Variants in PXDNL observed in about 807,000 individuals in gnomAD.
PXDNL encodes peroxidasin like.
In PXDNL, 145 loss-of-function variants were observed where a neutral mutation model predicts 150.8. The ratio of observed to expected loss-of-function variants is 0.96; its 90% CI spans 0.84 to 1.10. The LOEUF (loss-of-function observed/expected upper bound fraction) is 1.10, where lower values mean the gene tolerates loss of function less well. PXDNL is among the 50% of genes least tolerant of loss of function. The pLI is 0.00. For missense variants in PXDNL, 2,087 were observed against 1,873.9 expected, an observed-to-expected ratio of 1.11 and a Z score of -2.10; for synonymous variants, 757 against 725.7, an observed-to-expected ratio of 1.04 and a Z score of -0.69.
chr8:51,404,600 T>C (rs889557469), intron 17 of PXDNL, among the ~76,000 whole-genome samples: 10 of 152,074 alleles, frequency 6.6e-5, no homozygotes, highest in Non-Finnish European at 1.0e-4. Context: ...AGAGTGCTAA[T>C]TGGTGCATTC....
chr8:51,485,801 G>A (rs1810719022), intron 5 of PXDNL, among the ~76,000 whole-genome samples: 1 of 152,164 alleles, frequency 6.6e-6, no homozygotes, highest in Admixed American at 6.5e-5. Flanking sequence ...TTCTTGCCAT[G>A]CTTTAACAAG....
intron 1 of PXDNL, among the ~76,000 whole-genome samples, chr8:51,795,412 C>T (rs968907643): frequency 2.6e-5 from 4 of 152,316 alleles, no homozygotes; most frequent in Middle Eastern, 3.4e-3. Flanking sequence ...CGCTCCACAG[C>T]AAATGCAAAA....
intron 19 of PXDNL, among the ~76,000 whole-genome samples, chr8:51,360,824 C>G (rs1025550248): frequency 6.6e-6 from 1 of 152,244 alleles, no homozygotes; most frequent in Non-Finnish European, 1.5e-5. Flanking sequence ...TTCTGTACCT[C>G]ACTTCTGTTT....
At chr8:51,494,717 C>T (rs1263672813) in intron 5 of PXDNL, among the ~76,000 whole-genome samples, 2 of 152,200 alleles carry the variant, frequency 1.3e-5, no homozygotes, top group Admixed American at 1.3e-4. Flanking sequence ...ATCAATTCAA[C>T]AAGAAGAGCT....
At chr8:51,782,050 G>A (rs535329280) in intron 1 of PXDNL, among the ~76,000 whole-genome samples, 1 of 151,938 alleles carries the variant, frequency 6.6e-6, no homozygotes, top group African/African-American at 2.4e-5. Context: ...ACAAAACACA[G>A]TAGGGTGGCT....
intron 19 of PXDNL, among the ~76,000 whole-genome samples, chr8:51,365,781 C>T (rs1433702492): frequency 6.6e-6 from 1 of 152,150 alleles, no homozygotes; most frequent in Non-Finnish European, 1.5e-5. Flanking sequence ...ACATGCTCAC[C>T]TAAGTGAGAA....
At chr8:51,808,933 T>C (rs1420606837) in intron 1 of PXDNL, among the ~76,000 whole-genome samples, 1 of 152,194 alleles carries the variant, frequency 6.6e-6, no homozygotes, top group African/African-American at 2.4e-5. Flanking sequence ...GAATTCTCAA[T>C]GCTAAGTTCT....
intron 10 of PXDNL, among the ~76,000 whole-genome samples, chr8:51,450,841 C>G (rs572047938): frequency 6.6e-6 from 1 of 152,070 alleles, no homozygotes; most frequent in Admixed American, 6.5e-5. Context: ...GAATTTCTCT[C>G]GGTCAGAACT....
intron 3 of PXDNL, among the ~76,000 whole-genome samples, chr8:51,565,665 T>C (rs1812812453): frequency 6.6e-6 from 1 of 152,030 alleles, no homozygotes; most frequent in East Asian, 1.9e-4. Context: ...GATGGTTCAA[T>C]GTACACATAA....
At chr8:51,525,890 GT>G (rs1216632714) in intron 4 of PXDNL, among the ~76,000 whole-genome samples, 2 of 152,180 alleles carry the variant, frequency 1.3e-5, no homozygotes, top group Non-Finnish European at 2.9e-5. Flanking sequence ...ACAAACACTG[GT>G]TGAACGGAGT....
At position 51,605,511 on chromosome 8, in the gene PXDNL, TA is replaced by T. The variant is rs916968653; in HGVS notation, c.237-12814del. Among the ~76,000 whole-genome samples the T allele has an allele frequency of 3.6e-4, 54 of 152,088 alleles. 1 individual carries two copies. Among genetic ancestry groups the T allele is most frequent in the African/African-American group, 1.2e-3 (50 of 41,544 alleles). On this transcript the variant is annotated intron_variant, in intron 2 of 22. Transcript: ENST00000356297. ...AATTATTAATATAAATATTCATTAT[TA>T]AAAAGAAAATCACAAGGCTATGTTT...
intron 3 of PXDNL, among the ~76,000 whole-genome samples, chr8:51,579,996 A>T (rs1325639175): frequency 6.6e-6 from 1 of 150,952 alleles, no homozygotes; most frequent in Non-Finnish European, 1.5e-5. Context: ...ACTAAAACTT[A>T]AAGTATAATA....
rs1459383360 is a variant in PXDNL at position 51,809,280 on chromosome 8, A to T, written c.65T>A (p.Leu22Ter). Residue 22 changes from leucine to a stop codon, truncating the protein, a stop_gained, in exon 1 of 23, where the codon TTG becomes TAG. Transcript: ENST00000356297. LOFTEE classifies it high-confidence loss of function. ...FLLAGWCLPG[L>*]PCPSRCLCFK... Reference sequence around the variant, plus strand: ...GCAAAGGCACCGGCTGGGGCAGGGCAACCCTGGCAGGCACCACCCGGCCAG... The same window carrying T: ...GCAAAGGCACCGGCTGGGGCAGGGCTACCCTGGCAGGCACCACCCGGCCAG... The T allele has an allele frequency of 6.3e-7, 1 of 1,596,810 alleles. No individual in the cohort carries two copies. Among genetic ancestry groups the T allele is most frequent in the South Asian group, 1.1e-5 (1 of 88,498 alleles).
chr8:51,515,793 G>A (rs866577067), intron 4 of PXDNL, among the ~76,000 whole-genome samples: 1 of 152,160 alleles, frequency 6.6e-6, no homozygotes, highest in Non-Finnish European at 1.5e-5. Flanking sequence ...CTCATATATA[G>A]ACATACAAAG....
intron 12 of PXDNL, among the ~76,000 whole-genome samples, chr8:51,445,432 A>G (rs1259797969): frequency 1.3e-5 from 2 of 152,172 alleles, no homozygotes; most frequent in African/African-American, 4.8e-5. Flanking sequence ...ATTCATGCCA[A>G]TTGCTAGTGG....
intron 1 of PXDNL, among the ~76,000 whole-genome samples, chr8:51,808,670 TC>T (rs1279598997): frequency 2.0e-5 from 3 of 152,190 alleles, no homozygotes; most frequent in Non-Finnish European, 4.4e-5. Flanking sequence ...GAGGGTCTGT[TC>T]TGGAGACAGA....
chr8:51,637,898 G>A (rs1028608988), intron 2 of PXDNL, among the ~76,000 whole-genome samples: 1 of 152,150 alleles, frequency 6.6e-6, no homozygotes, highest in Non-Finnish European at 1.5e-5. Context: ...ACATATAATT[G>A]TCAGATTCAC....
intron 17 of PXDNL, among the ~76,000 whole-genome samples, chr8:51,390,214 T>C (rs780676974): frequency 2.6e-5 from 4 of 152,198 alleles, no homozygotes; most frequent in Non-Finnish European, 5.9e-5. Flanking sequence ...CAATTCACTC[T>C]TTAAAAACAT....
chr8:51,726,280 A>G (rs1036842841), intron 1 of PXDNL, among the ~76,000 whole-genome samples: 1 of 152,206 alleles, frequency 6.6e-6, no homozygotes, highest in African/African-American at 2.4e-5. Flanking sequence ...CTCAGCACCC[A>G]TGGGCCCAAA....
Sources: gnomAD v4.1 joint callset for allele counts (sites outside exome capture counted in the v4.1 genomes callset) on GRCh38, gnomAD v4.1.1 for gene constraint, MANE v1.5 for transcripts, NCBI Gene and HGNC (gene_info 2026-07-23, HGNC 2026-07-21) for gene names.